The following LPA variants were observed in gnomAD, a reference collection of about 807,000 sequenced individuals.
LPA encodes the protein lipoprotein(a), also known as apolipoprotein(a).
Under a neutral mutation model 197.9 loss-of-function variants are expected in LPA, and 199 were observed. That is an observed-to-expected ratio of 1.01 (90% CI 0.90 to 1.13). The LOEUF (loss-of-function observed/expected upper bound fraction) is 1.13. LPA is among the 50% of genes most tolerant of loss of function. LPA has a pLI of 0.00. For synonymous variants in LPA, 715 were observed against 639.5 expected, an observed-to-expected ratio of 1.12 and a Z score of -1.78; for missense variants, 1,853 against 1,785.8, an observed-to-expected ratio of 1.04 and a Z score of -0.68.
intron 26 of LPA, among the ~76,000 whole-genome samples, chr6:160,579,335 T>C (rs1276023861): frequency 6.6e-6 from 1 of 152,140 alleles, no homozygotes; most frequent in Non-Finnish European, 1.5e-5. Flanking sequence ...ACAGGACTTA[T>C]AAAAGCTTCC....
At chr6:160,596,605 T>C (rs1014752199) in intron 20 of LPA, among the ~76,000 whole-genome samples, 4 of 152,148 alleles carry the variant, frequency 2.6e-5, no homozygotes, top group Non-Finnish European at 5.9e-5. Context: ...TGCCATTACA[T>C]ATTATGTAAC....
At position 160,586,649 on chromosome 6, in the gene LPA, T is replaced by C. The variant is rs984007256; in HGVS notation, c.3948-19A>G. On this transcript the variant is annotated intron_variant, in intron 24 of 38. Transcript: ENST00000316300. ...CAGGCCACTGCAAATTCCAAAACAA[T>C]ACAGGTCACCAGAGATTGGAGAAGA... 2.5e-6 allele frequency: 4 copies of C among 1,613,202 alleles called. No homozygotes were observed. The highest frequency in any genetic ancestry group is 3.4e-6 in the Non-Finnish European group (4 of 1,179,690).
chr6:160,577,374 G>T, intron 27 of LPA, 79 bp from the exon 28 acceptor site: 3 of 1,334,052 alleles, frequency 2.2e-6, no homozygotes, highest in South Asian at 1.2e-5. Flanking sequence ...GTCACATACT[G>T]GACAGTAGCC....
intron 28 of LPA, among the ~76,000 whole-genome samples, chr6:160,561,046 A>C (rs1305774695): frequency 6.6e-6 from 1 of 152,096 alleles, no homozygotes; most frequent in Non-Finnish European, 1.5e-5. Context: ...AGTAGCTGGG[A>C]CTACAGGTGC....
At position 160,542,747 on chromosome 6, in the gene LPA, A is replaced by G. The variant is rs752521694; in HGVS notation, c.5460T>C (p.Ile1820=). 6.2e-7 allele frequency: 1 copy of G among 1,614,066 alleles called. No homozygotes were observed. The highest frequency in any genetic ancestry group is 8.5e-7 in the Non-Finnish European group (1 of 1,179,978). The part of the protein sequence containing the change: ...QVEPKKCPGS[I]VGGCVAHPHS... ...GTGGGTGGGCCACACACCCCCCTAC[A>G]ATGCTTCCAGGACATTTCTTCGGCT... is the stretch of plus-strand genomic sequence containing the variant. The change falls in exon 34 of 39, where the codon ATT becomes ATC. Residue 1820 remains isoleucine, a synonymous_variant. Coordinates refer to ENST00000316300, the MANE Select transcript of LPA (RefSeq NM_005577.4).
In LPA at chr6:160,605,202, G is replaced by A; in HGVS notation, c.2789C>T (p.Pro930Leu). The change falls in exon 18 of 39, where the codon CCA (proline) becomes CTA (leucine). Residue 930 changes from proline (P) to leucine (L), a missense_variant. Transcript: ENST00000316300. ...CTGCACCCCAGGCCTTTGCTCAGTTGGTGCTGAAATGAAAAGAAAAGAAAT... is the reference window on the plus strand; with the variant it reads ...CTGCACCCCAGGCCTTTGCTCAGTTAGTGCTGAAATGAAAAGAAAAGAAAT... ...PSLEAPSEQA[P>L]TEQRPGVQEC... 6.2e-7 allele frequency: 1 copy of A among 1,613,566 alleles called. No homozygotes were observed. The highest frequency in any genetic ancestry group is 8.5e-7 in the Non-Finnish European group (1 of 1,179,836).
At chr6:160,586,210 G>A (rs964826702) in intron 25 of LPA, among the ~76,000 whole-genome samples, 3 of 152,108 alleles carry the variant, frequency 2.0e-5, no homozygotes, top group Non-Finnish European at 2.9e-5. Flanking sequence ...ACAGGGAAGT[G>A]ATAAATCCAG....
chr6:160,573,844 C>T (rs1489813169), intron 28 of LPA, among the ~76,000 whole-genome samples: 1 of 152,108 alleles, frequency 6.6e-6, no homozygotes, highest in Non-Finnish European at 1.5e-5. Flanking sequence ...GTGCAATGGA[C>T]TCCATAGGGG....
intron 18 of LPA, among the ~76,000 whole-genome samples, chr6:160,603,258 G>A (rs1779280559): frequency 6.6e-6 from 1 of 151,624 alleles, no homozygotes; most frequent in Non-Finnish European, 1.5e-5. Flanking sequence ...GTGTGTGTGT[G>A]TGCGTGCATG....
chr6:160,597,732 G>C (rs1041170274), intron 20 of LPA, among the ~76,000 whole-genome samples: 1 of 152,152 alleles, frequency 6.6e-6, no homozygotes, highest in African/African-American at 2.4e-5. Context: ...ATACTAATAT[G>C]TCAAATTCTC....
intron 21 of LPA, 55 bp from the exon 22 acceptor site, chr6:160,594,172 CA>C (rs770572547): frequency 6.2e-6 from 10 of 1,602,096 alleles, no homozygotes; most frequent in Non-Finnish European, 8.6e-6. Context: ...ACAGAAGCAT[CA>C]GAAGAAATCT....
At chr6:160,551,913 C>CT (rs569721968) in intron 30 of LPA, among the ~76,000 whole-genome samples, 1,614 of 129,278 alleles carry the variant, frequency 0.012, 27 homozygotes, top group Middle Eastern at 0.028. Flanking sequence ...AACACATATC[C>CT]TTTTTTTTTT....
At position 160,577,174 on chromosome 6, in the gene LPA, T is replaced by A; in HGVS notation, c.4593A>T (p.Pro1531=). 6.2e-7 allele frequency: 1 copy of A among 1,613,922 alleles called. No individual in the cohort carries two copies. The highest frequency in any genetic ancestry group is 8.5e-7 in the Non-Finnish European group (1 of 1,179,850). Residue 1531 remains proline, a synonymous_variant, in exon 28 of 39, where the codon CCA becomes CCT. Coordinates refer to ENST00000316300, the MANE Select transcript of LPA (RefSeq NM_005577.4). ...RTCQSWSSMI[P]HWHQRTPENY... Reference sequence around the variant, plus strand: ...TTTCTGGGGTCCTCTGATGCCAGTGTGGTATCATAGATGACCAAGATTGAC... The same window carrying A: ...TTTCTGGGGTCCTCTGATGCCAGTGAGGTATCATAGATGACCAAGATTGAC...
intron 20 of LPA, 135 bp from the exon 21 acceptor site, chr6:160,595,670 A>T: frequency 7.8e-7 from 1 of 1,279,170 alleles, no homozygotes; most frequent in South Asian, 1.3e-5. Context: ...CATAATATGC[A>T]CAAATGGTCC....
chr6:160,585,797 T>C (rs1778899879), intron 25 of LPA, among the ~76,000 whole-genome samples: 1 of 152,062 alleles, frequency 6.6e-6, no homozygotes, highest in Non-Finnish European at 1.5e-5. Flanking sequence ...GGATCCCTCA[T>C]TACAAGAAAG....
rs766676715 is a variant in LPA, at chr6:160,548,635, C to G, written c.4998G>C (p.Arg1666Ser). The change falls in exon 31 of 39, where the codon AGG becomes AGC. Residue 1666 changes from arginine (R) to serine (S), a missense_variant. By Grantham distance (110) the Arg-to-Ser change is moderately radical. Coordinates refer to ENST00000316300, the MANE Select transcript of LPA (RefSeq NM_005577.4). ...AAGGGCCTGTATCGGCATCTGGATT[C>G]CTGCAGTAGTTCATTGTCAGGCCAC... ...PNDGLTMNYC[R>S]NPDADTGPWC... is the part of the protein sequence containing the mutation. 1 of 1,614,044 alleles carries G rather than the reference C, an allele frequency of 6.2e-7. No homozygotes were observed. Among genetic ancestry groups the G allele is most frequent in the East Asian group, 2.2e-5 (1 of 44,864 alleles).
chr6:160,585,137 G>A lies in LPA; in HGVS notation c.4198C>T (p.Leu1400Phe). 6.2e-7 allele frequency: 1 copy of A among 1,613,868 alleles called. No individual in the cohort carries two copies. The highest frequency in any genetic ancestry group is 8.5e-7 in the Non-Finnish European group (1 of 1,179,818). The change falls in exon 26 of 39, where the codon CTC (leucine) becomes TTC (phenylalanine). Residue 1400 changes from leucine (L) to phenylalanine (F), a missense_variant. By Grantham distance (22) the Leu-to-Phe change is conservative. Around this residue, in one of 3 missense-constraint regions of LPA, gnomAD observed 1,737 missense variants for 1,504.4 expected, o/e 1.15. Coordinates refer to ENST00000316300, the MANE Select transcript of LPA (RefSeq NM_005577.4). ...GTTCTTCCTGTGATAGTGGTGGAGA[G>A]TGTGCCTCGATAACTCTGTCCATCA... ...RGDGQSYRGTLSTTITGRTCQ... is the reference protein window; with the variant it reads ...RGDGQSYRGTFSTTITGRTCQ...
At position 160,626,148 on chromosome 6, in the gene LPA, G is replaced by GT. The variant is rs1281446110; in HGVS notation, c.1578-1938dup. 1.0e-3 allele frequency among the ~76,000 whole-genome samples: 110 copies of GT among 109,228 alleles called. 4 individuals are homozygous for GT. The highest frequency in any genetic ancestry group is 1.5e-3 in the Non-Finnish European group (80 of 54,132). The allele number at this position is 109,228 out of a possible 152,430, so 71.7% of individuals were successfully genotyped here. On this transcript the variant is annotated intron_variant, in intron 10 of 38. Coordinates refer to ENST00000316300, the MANE Select transcript of LPA (RefSeq NM_005577.4). ...TACAAAAGTACATCATACAGGTTGG[G>GT]TTTTTTTTCCGAAATTCCCTATGTG...
chr6:160,609,234 T>C (rs1413473664), intron 16 of LPA, among the ~76,000 whole-genome samples: 1 of 152,160 alleles, frequency 6.6e-6, no homozygotes, highest in African/African-American at 2.4e-5. Flanking sequence ...AGTTTCTTTG[T>C]TTTGGGCAGT....
Sources: allele counts gnomAD v4.1 joint callset (sites outside exome capture counted in the v4.1 genomes callset), GRCh38; gene constraint gnomAD v4.1.1; regional missense constraint gnomAD v4.1.1; transcripts MANE v1.5; gene names NCBI Gene and HGNC (gene_info 2026-07-23, HGNC 2026-07-21).